Variants in AGAP3 observed in about 807,000 individuals in gnomAD.
The protein encoded by AGAP3 is ArfGAP with GTPase domain, ankyrin repeat and PH domain 3, also known as arf-GAP with GTPase, ANK repeat and PH domain-containing protein 3.
A neutral mutation model predicts 96.9 loss-of-function variants in AGAP3; 24 were observed. That is an observed-to-expected ratio of 0.25 (90% CI 0.18 to 0.35). The LOEUF is 0.35. Ranked by LOEUF, AGAP3 falls within the 10% of genes least tolerant of loss-of-function variation. The pLI is 1.00. For synonymous variants in AGAP3, 563 were observed against 536.1 expected (o/e 1.05, Z -0.69); for missense variants, 876 against 1,254.2 (o/e 0.70, Z 4.55).
chr7:151,090,319 G>A (rs1166515252), intron 1 of AGAP3, among the ~76,000 whole-genome samples: 15 of 151,580 alleles, frequency 9.9e-5, no homozygotes, highest in African/African-American at 3.2e-4. Context: ...TATGTGTGCC[G>A]GAGCTGGGCT....
chr7:151,138,976 T>A (rs1800717596), intron 12 of AGAP3, among the ~76,000 whole-genome samples: 1 of 152,212 alleles, frequency 6.6e-6, no homozygotes, highest in African/African-American at 2.4e-5. Flanking sequence ...CCCTTTGTTC[T>A]CTTTCTCTCT....
intron 1 of AGAP3, among the ~76,000 whole-genome samples, chr7:151,113,203 C>T (rs576700927): frequency 4.3e-4 from 66 of 152,316 alleles, no homozygotes; most frequent in African/African-American, 1.4e-3. Context: ...TGACGTTGGC[C>T]GGCTTCACTG....
chr7:151,130,903 G>A (rs965560442), intron 10 of AGAP3, among the ~76,000 whole-genome samples: 2 of 152,180 alleles, frequency 1.3e-5, no homozygotes, highest in African/African-American at 4.8e-5. Context: ...GCCTGAGCAT[G>A]CTCTTCAGTT....
chr7:151,089,202 A>G (rs1006285376), intron 1 of AGAP3, among the ~76,000 whole-genome samples: 1 of 151,810 alleles, frequency 6.6e-6, no homozygotes, highest in Admixed American at 6.5e-5. Flanking sequence ...TCTGCCCTAT[A>G]TCCTTCCTGC....
intron 10 of AGAP3, among the ~76,000 whole-genome samples, chr7:151,132,023 G>C (rs1800423186): frequency 6.6e-6 from 1 of 152,258 alleles, no homozygotes; most frequent in African/African-American, 2.4e-5. Context: ...GGGACGGGCA[G>C]CTGAGTCTGT....
rs559145645 is a variant in AGAP3, at chr7:151,143,165, C to T, written c.2274-176C>T. On this transcript the variant is annotated intron_variant, in intron 16 of 17. Transcript: ENST00000397238. The surrounding 1 kb of genome is among the most constrained non-coding windows in gnomAD (Gnocchi z 5.9). ...CCCCTTTCCATTACCCACTGCCCCTCTGTGTGCCTGGAGTTTCCAAGGCTT... is the reference window on the plus strand; with the variant it reads ...CCCCTTTCCATTACCCACTGCCCCTTTGTGTGCCTGGAGTTTCCAAGGCTT... Among the ~76,000 whole-genome samples, 10 of 152,228 alleles carry T rather than the reference C, an allele frequency of 6.6e-5. No individual in the cohort carries two copies. Among genetic ancestry groups the T allele is most frequent in the African/African-American group, 2.4e-4 (10 of 41,462 alleles).
At chr7:151,115,772 C>T (rs148007067) in intron 1 of AGAP3, 155 of 510,196 alleles carry the variant, frequency 3.0e-4, no homozygotes, top group South Asian at 3.6e-4. Context: ...CGAGTGTCGT[C>T]CGCGCCTGGC....
intron 8 of AGAP3, chr7:151,122,745 C>A: frequency 6.2e-7 from 1 of 1,613,884 alleles, no homozygotes; most frequent in Non-Finnish European, 8.5e-7. Flanking sequence ...CTGTTTCCAA[C>A]TTTTCATCAA....
chr7:151,122,698 A>C (rs946100216), intron 8 of AGAP3: 4 of 1,613,488 alleles, frequency 2.5e-6, no homozygotes, highest in Non-Finnish European at 3.4e-6. Flanking sequence ...TAACTTGCCA[A>C]AATCTTTATT....
Position 151,118,505 on chromosome 7 carries a change from T to C in AGAP3, c.842T>C (p.Val281Ala). The change falls in exon 7 of 18, where the codon GTG becomes GCG. Residue 281 changes from valine to alanine, a missense_variant and splice_region_variant. Val to Ala is a moderately conservative substitution (Grantham distance 64). Coordinates refer to ENST00000397238, the MANE Select transcript of AGAP3 (RefSeq NM_031946.7). This position sits in a 1 kb window ranked among gnomAD's most constrained non-coding sequence, Gnocchi z 6.1. ...GLNVERVFQD[V>A]AQKVVALRKK... is the part of the protein sequence containing the mutation. ...TAATTGACTCTGCTGTCCCCTGCAG[T>C]GGCCCAGAAGGTAGTGGCCTTGCGA... 6.2e-7 allele frequency: 1 copy of C among 1,614,144 alleles called. No homozygotes were observed. Among genetic ancestry groups the C allele is most frequent in the Non-Finnish European group, 8.5e-7 (1 of 1,180,028 alleles).
rs1563494418 is a variant in AGAP3 at position 151,123,835 on chromosome 7, C to CTGCATGTGAGTCCGG, written c.1170_1171insTGCATGTGAGTCCGG (p.Ala390_Glu391insCysMetTer). 1 of 1,612,526 alleles carries CTGCATGTGAGTCCGG rather than the reference C, an allele frequency of 6.2e-7. No individual in the cohort carries two copies. Among genetic ancestry groups the CTGCATGTGAGTCCGG allele is most frequent in the Non-Finnish European group, 8.5e-7 (1 of 1,179,950 alleles). Reference sequence around the variant, plus strand: ...ACCTGGACCGGGAGAAGAAGGCTGCCGAGTGCAAGGTGGACAGCATCGGGA... The same window carrying CTGCATGTGAGTCCGG: ...ACCTGGACCGGGAGAAGAAGGCTGCCTGCATGTGAGTCCGGGAGTGCAAGGTGGACAGCATCGGGA... On this transcript the variant is annotated stop_gained and inframe_insertion, in exon 9 of 18. Coordinates refer to ENST00000397238, the MANE Select transcript of AGAP3 (RefSeq NM_031946.7). LOFTEE classifies it high-confidence loss of function.
At position 151,118,161 on chromosome 7, in the gene AGAP3, C is replaced by T; in HGVS notation, c.707-49C>T. The T allele has an allele frequency of 6.4e-7, 1 of 1,570,032 alleles. No individual in the cohort carries two copies. Among genetic ancestry groups the T allele is most frequent in the Non-Finnish European group, 8.7e-7 (1 of 1,152,606 alleles). On this transcript the variant is annotated intron_variant, in intron 5 of 17. Transcript: ENST00000397238. The surrounding 1 kb of genome is among the most constrained non-coding windows in gnomAD (Gnocchi z 6.1). ...GGCCAAATGCCCCCCACCACACTAC[C>T]CCAGCTTCTCCGAAAGCTGAATGAC...
intron 1 of AGAP3, among the ~76,000 whole-genome samples, chr7:151,099,594 C>T (rs868178634): frequency 1.8e-4 from 28 of 152,276 alleles, no homozygotes; most frequent in Middle Eastern, 3.4e-3. Flanking sequence ...GGTCCTGTGC[C>T]AGGTGGGAGG....
intron 1 of AGAP3, among the ~76,000 whole-genome samples, chr7:151,092,610 G>A (rs1246543670): frequency 6.6e-6 from 1 of 152,220 alleles, no homozygotes; most frequent in African/African-American, 2.4e-5. Context: ...GGGTTGGAAT[G>A]AGGCTTTGCA....
In AGAP3 at chr7:151,141,433, GTCA is replaced by G. The variant is rs1800808568; in HGVS notation, c.1805-464_1805-462del. The G allele has an allele frequency of 1.2e-5, 2 of 168,502 alleles. No homozygotes were observed. Among genetic ancestry groups the G allele is most frequent in the African/African-American group, 4.8e-5 (2 of 41,738 alleles). 10.4% of individuals were successfully genotyped at this position (168,502 alleles called of 1,614,324 possible). Reference sequence around the variant, plus strand: ...CTCCCAGGAGCCCCACGCTGACGCCGTCAGGAATATTGGGTTTAATGAGCTGCA... The same window carrying G: ...CTCCCAGGAGCCCCACGCTGACGCCGGGAATATTGGGTTTAATGAGCTGCA... On this transcript the variant is annotated intron_variant, in intron 13 of 17. Coordinates refer to ENST00000397238, the MANE Select transcript of AGAP3 (RefSeq NM_031946.7). This position sits in a 1 kb window ranked among gnomAD's most constrained non-coding sequence, Gnocchi z 4.2.
Position 151,144,231 on chromosome 7 carries a change from A to G in AGAP3, c.*288A>G, listed in dbSNP as rs116625241. On this transcript the variant is annotated 3_prime_UTR_variant, in exon 18 of 18. Coordinates refer to ENST00000397238, the MANE Select transcript of AGAP3 (RefSeq NM_031946.7). ...GGGGAGCAGGACCTCTCCCTCCTCC[A>G]GATCCCTGCCTCCTAGTGCCAGCCC... The G allele has an allele frequency of 5.7e-3, 2,465 of 428,788 alleles. 56 individuals carry two copies. Among genetic ancestry groups the G allele is most frequent in the African/African-American group, 0.045 (2,241 of 50,356 alleles). 26.6% of individuals were successfully genotyped at this position (428,788 alleles called of 1,614,324 possible).
rs1257194467 is a variant in AGAP3 at position 151,091,883 on chromosome 7, G to C, written c.331+4811G>C. ...TTTCCTCAAACGTGTGCCAGGCCTGGGGGTCCGGAGGATTCCCACATAGAG... is the reference window on the plus strand; with the variant it reads ...TTTCCTCAAACGTGTGCCAGGCCTGCGGGTCCGGAGGATTCCCACATAGAG... On this transcript the variant is annotated intron_variant, in intron 1 of 17. Transcript: ENST00000397238. Among the ~76,000 whole-genome samples, 24 of 152,148 alleles carry C rather than the reference G, an allele frequency of 1.6e-4. 1 individual carries two copies. Among genetic ancestry groups the C allele is most frequent in the Admixed American group, 1.6e-3 (24 of 15,278 alleles).
chr7:151,143,935 C>T lies in AGAP3; in HGVS notation c.2728C>T (p.Leu910Phe). 6.2e-7 allele frequency: 1 copy of T among 1,613,924 alleles called. No homozygotes were observed. The highest frequency in any genetic ancestry group is 8.5e-7 in the Non-Finnish European group (1 of 1,179,930). The change falls in exon 18 of 18, where the codon CTC becomes TTC. Residue 910 changes from leucine to phenylalanine, a missense_variant. By Grantham distance (22) the Leu-to-Phe change is conservative (BLOSUM62 0). Transcript: ENST00000397238. This position sits in a 1 kb window ranked among gnomAD's most constrained non-coding sequence, Gnocchi z 5.9. ...TGCTGAGCTGCACCGTAGTCCTAGC[C>T]TCCTATAAGGCCCAGGAAGAGGGCA... Reference protein sequence around the residue: ...PSAELHRSPSLL With the variant: ...PSAELHRSPSFL
chr7:151,138,062 C>A (rs1342886129), intron 11 of AGAP3, 81 bp from the exon 12 acceptor site: 7 of 1,117,426 alleles, frequency 6.3e-6, no homozygotes, highest in African/African-American at 1.5e-5. Context: ...CTCTGCTCTG[C>A]AGCTCTATTT....
Sources: gnomAD v4.1 joint callset for allele counts (sites outside exome capture counted in the v4.1 genomes callset) on GRCh38, gnomAD v4.1.1 for gene constraint, Gnocchi (gnomAD v3.1) non-coding constraint, MANE v1.5 for transcripts, NCBI Gene and HGNC (gene_info 2026-07-23, HGNC 2026-07-21) for gene names.